Variants in PPP3CB observed in about 807,000 individuals in gnomAD.
PPP3CB encodes the protein protein phosphatase 3 catalytic subunit beta.
PPP3CB carries 8 observed loss-of-function variants against 66.4 expected under a neutral mutation model. The ratio of observed to expected loss-of-function variants is 0.12; its 90% CI spans 0.07 to 0.22. The LOEUF is 0.22. PPP3CB is among the 10% of genes least tolerant of loss of function. The pLI, the probability that PPP3CB is intolerant of heterozygous loss-of-function variation, is 1.00. For missense variants in PPP3CB, 319 were observed against 642.5 expected (o/e 0.50, Z 5.44); for synonymous variants, 208 against 221.2 (o/e 0.94, Z 0.53).
chr10:73,449,197 T>C (rs12571454), intron 10 of PPP3CB, among the ~76,000 whole-genome samples: 10,862 of 152,264 alleles, frequency 0.071, 627 homozygotes, highest in East Asian at 0.3. Flanking sequence ...TAGGTAACTT[T>C]ATAAACTGCC....
chr10:73,478,532 G>T lies in PPP3CB; in HGVS notation c.378C>A (p.Gly126=), dbSNP rs1462757533. The change falls in exon 3 of 14, where the codon GGC becomes GGA. Residue 126 remains glycine (G), a synonymous_variant. Transcript: ENST00000360663. The part of the protein sequence containing the change: ...SPANTRYLFL[G]DYVDRGYFSI... ...TAAAATAACCTCTGTCCACATAATCGCCAAGAAAAAGGTATCGTGTATTAG... is the reference window on the plus strand; with the variant it reads ...TAAAATAACCTCTGTCCACATAATCTCCAAGAAAAAGGTATCGTGTATTAG... 2 of 1,609,308 alleles carry T rather than the reference G, an allele frequency of 1.2e-6. No individual in the cohort carries two copies. The highest frequency in any genetic ancestry group is 4.5e-5 in the East Asian group (2 of 44,780).
At chr10:73,489,981 C>A (rs1054283201) in intron 1 of PPP3CB, among the ~76,000 whole-genome samples, 3 of 152,148 alleles carry the variant, frequency 2.0e-5, no homozygotes, top group African/African-American at 7.2e-5. Context: ...GCTCCAGTAG[C>A]GCTTTGTACC....
At chr10:73,475,768 GACTC>G (rs1237526858) in intron 3 of PPP3CB, among the ~76,000 whole-genome samples, 2 of 152,256 alleles carry the variant, frequency 1.3e-5, no homozygotes, top group South Asian at 2.1e-4. Flanking sequence ...ATAAGAAAGA[GACTC>G]ACATTTTACT....
intron 11 of PPP3CB, among the ~76,000 whole-genome samples, chr10:73,446,191 C>T (rs2132784544): frequency 6.6e-6 from 1 of 151,624 alleles, no homozygotes; most frequent in African/African-American, 2.4e-5. Context: ...CTTCTGCCTC[C>T]TGGGTTCAAG....
At chr10:73,472,365 T>C (rs927880351) in intron 4 of PPP3CB, among the ~76,000 whole-genome samples, 5 of 152,080 alleles carry the variant, frequency 3.3e-5, no homozygotes, top group East Asian at 3.9e-4. Flanking sequence ...CATGCTGGTG[T>C]GCACCTGTAA....
chr10:73,446,438 G>A (rs1292511770), intron 11 of PPP3CB, 54 bp downstream of exon 11: 4 of 1,525,242 alleles, frequency 2.6e-6, no homozygotes, highest in African/African-American at 1.4e-5. Context: ...CTTGTAACAA[G>A]GTACAATAAA....
intron 1 of PPP3CB, among the ~76,000 whole-genome samples, chr10:73,486,175 A>G (rs947873694): frequency 1.3e-5 from 2 of 149,734 alleles, no homozygotes; most frequent in Admixed American, 6.7e-5. Context: ...CGAACCCTTA[A>G]CCTCGTGATC....
intron 1 of PPP3CB, among the ~76,000 whole-genome samples, chr10:73,484,424 C>A (rs2056937539): frequency 6.6e-6 from 1 of 151,890 alleles, no homozygotes; most frequent in Non-Finnish European, 1.5e-5. Flanking sequence ...GCACCTGCCA[C>A]CACGCCCAGC....
intron 10 of PPP3CB, among the ~76,000 whole-genome samples, chr10:73,447,829 A>G (rs1378631145): frequency 2.0e-5 from 3 of 152,030 alleles, no homozygotes; most frequent in African/African-American, 7.2e-5. Context: ...TACAGCTTTT[A>G]CAAGTCCAAA....
intron 10 of PPP3CB, among the ~76,000 whole-genome samples, chr10:73,447,904 A>AC (rs200181435): frequency 3.6e-4 from 55 of 151,292 alleles, no homozygotes; most frequent in African/African-American, 1.3e-3. Flanking sequence ...AAAAAAAAAA[A>AC]CCACAAAAAA....
chr10:73,440,003 C>G (rs939587725), intron 12 of PPP3CB, 102 bp from the exon 13 acceptor site: 20 of 1,173,990 alleles, frequency 1.7e-5, no homozygotes, highest in Non-Finnish European at 2.4e-5. Context: ...ATCACAGTAT[C>G]CCATACTACA....
chr10:73,464,300 C>T (rs2056581362), intron 9 of PPP3CB, among the ~76,000 whole-genome samples: 1 of 152,126 alleles, frequency 6.6e-6, no homozygotes, highest in African/African-American at 2.4e-5. Flanking sequence ...CATATTACAT[C>T]TTATTATCAT....
intron 1 of PPP3CB, among the ~76,000 whole-genome samples, chr10:73,493,965 C>A (rs2057121585): frequency 6.6e-6 from 1 of 152,092 alleles, no homozygotes; most frequent in African/African-American, 2.4e-5. Context: ...TAAGAAGATT[C>A]ACAAACGTAA....
intron 9 of PPP3CB, among the ~76,000 whole-genome samples, chr10:73,457,729 C>A (rs1481210327): frequency 1.4e-5 from 2 of 145,456 alleles, no homozygotes; most frequent in East Asian, 2.0e-4. Context: ...CACAGCAAGA[C>A]CCTGTCTCAA....
chr10:73,454,618 A>T (rs1048752884), intron 9 of PPP3CB, 129 bp from the exon 10 acceptor site: 9 of 492,728 alleles, frequency 1.8e-5, no homozygotes, highest in Non-Finnish European at 3.2e-5. Context: ...TTATACCAAG[A>T]TCGATGGAAT....
chr10:73,493,316 C>T (rs1236946694), intron 1 of PPP3CB, among the ~76,000 whole-genome samples: 2 of 151,420 alleles, frequency 1.3e-5, no homozygotes, highest in African/African-American at 4.9e-5. Context: ...AGACTACTTG[C>T]ATTCAATGCC....
At chr10:73,448,802 A>G (rs966957664) in intron 10 of PPP3CB, 3 of 507,008 alleles carry the variant, frequency 5.9e-6, no homozygotes, top group South Asian at 1.4e-5. Context: ...TGAATGTAGA[A>G]AGAGAGAAAA....
chr10:73,443,976 C>G (rs181975356), intron 12 of PPP3CB: 1 of 152,356 alleles, frequency 6.6e-6, no homozygotes, highest in East Asian at 1.9e-4. Flanking sequence ...CAAGGTGCTA[C>G]AAAGCTGCTT....
chr10:73,463,536 G>A (rs2056566053), intron 9 of PPP3CB, among the ~76,000 whole-genome samples: 1 of 152,126 alleles, frequency 6.6e-6, no homozygotes, highest in Non-Finnish European at 1.5e-5. Flanking sequence ...TCAGACTCAG[G>A]CTCAGGAAGT....
Sources: gnomAD v4.1 joint callset for allele counts (sites outside exome capture counted in the v4.1 genomes callset) on GRCh38, gnomAD v4.1.1 for gene constraint, MANE v1.5 for transcripts, NCBI Gene and HGNC (gene_info 2026-07-23, HGNC 2026-07-21) for gene names.